Variants in GALNT17 observed in about 807,000 individuals in gnomAD.
GALNT17 encodes polypeptide N-acetylgalactosaminyltransferase 17, also known as UDP-GalNAc:polypeptide N-acetylgalactosaminyltransferase-like 3.
GALNT17 carries 29 observed loss-of-function variants against 63.7 expected under a neutral mutation model. The observed-to-expected ratio is 0.46, with a 90% CI of 0.34 to 0.62. The LOEUF is 0.62. GALNT17 is among the 20% of genes least tolerant of loss of function. The pLI, the probability that GALNT17 is intolerant of heterozygous loss-of-function variation, is 0.01. For missense variants in GALNT17, 603 were observed against 799.6 expected, an observed-to-expected ratio of 0.75 and a Z score of 2.97; for synonymous variants, 305 against 318.3, an observed-to-expected ratio of 0.96 and a Z score of 0.45.
chr7:71,661,814 C>T (rs1790911608), intron 6 of GALNT17, among the ~76,000 whole-genome samples: 1 of 152,158 alleles, frequency 6.6e-6, no homozygotes, highest in Admixed American at 6.5e-5. Flanking sequence ...GGTCAATGCA[C>T]ACTTAGTGTG....
At chr7:71,223,198 C>T (rs1425099829) in intron 1 of GALNT17, among the ~76,000 whole-genome samples, 2 of 152,054 alleles carry the variant, frequency 1.3e-5, no homozygotes, top group Non-Finnish European at 1.5e-5. Flanking sequence ...TTTTTTTTCT[C>T]TTAAACTTTT....
chr7:71,648,828 G>A (rs2117019030), intron 6 of GALNT17, among the ~76,000 whole-genome samples: 1 of 152,312 alleles, frequency 6.6e-6, no homozygotes, highest in African/African-American at 2.4e-5. Context: ...GGGCAACTCA[G>A]TAGTAATTGG....
intron 1 of GALNT17, among the ~76,000 whole-genome samples, chr7:71,235,123 C>T (rs1036095156): frequency 4.6e-5 from 7 of 151,844 alleles, no homozygotes; most frequent in African/African-American, 1.5e-4. Context: ...TGGCATCGTG[C>T]GCCTGTAGTC....
At chr7:71,320,347 C>A (rs1274125726) in intron 1 of GALNT17, among the ~76,000 whole-genome samples, 1 of 151,974 alleles carries the variant, frequency 6.6e-6, no homozygotes, top group Non-Finnish European at 1.5e-5. Flanking sequence ...AGCAATCCTC[C>A]TCCCTCAGCC....
intron 6 of GALNT17, among the ~76,000 whole-genome samples, chr7:71,575,596 G>A (rs900547251): frequency 3.3e-5 from 5 of 152,000 alleles, no homozygotes; most frequent in African/African-American, 1.2e-4. Context: ...CACCGTGTTA[G>A]CCAGGATGGT....
At chr7:71,622,102 T>C (rs1790303045) in intron 6 of GALNT17, among the ~76,000 whole-genome samples, 1 of 152,178 alleles carries the variant, frequency 6.6e-6, no homozygotes, top group Admixed American at 6.5e-5. Context: ...AAGAGGTCAG[T>C]GGGCAGGACC....
rs1562891340 is a variant in GALNT17, at chr7:71,181,270, T to TAAA, written c.238+48232_238+48233insAAA. On this transcript the variant is annotated intron_variant, in intron 1 of 10. Transcript: ENST00000333538. Reference sequence around the variant, plus strand: ...ACTCGTCTTAAAAAAAAAAAAAAAGTAATGGCTTAAAACCGCAATTATTTG... The same window carrying TAAA: ...ACTCGTCTTAAAAAAAAAAAAAAAGTAAAAATGGCTTAAAACCGCAATTATTTG... Among the ~76,000 whole-genome samples the TAAA allele has an allele frequency of 1.1e-3, 159 of 142,674 alleles. 1 individual carries two copies. Among genetic ancestry groups the TAAA allele is most frequent in the African/African-American group, 3.7e-3 (135 of 36,528 alleles). The allele number at this position is 142,674 out of a possible 152,430, so 93.6% of individuals were successfully genotyped here.
chr7:71,409,754 G>A (rs1478719554), intron 3 of GALNT17, among the ~76,000 whole-genome samples: 3 of 152,138 alleles, frequency 2.0e-5, no homozygotes, highest in African/African-American at 7.2e-5. Flanking sequence ...TGAGACAGCA[G>A]GATTTGCAAC....
At chr7:71,310,436 T>C (rs776919375) in intron 1 of GALNT17, among the ~76,000 whole-genome samples, 2 of 152,206 alleles carry the variant, frequency 1.3e-5, no homozygotes, top group African/African-American at 4.8e-5. Context: ...CACGTAGCAC[T>C]GTCTGAGATC....
intron 5 of GALNT17, among the ~76,000 whole-genome samples, chr7:71,514,292 A>G (rs1169273150): frequency 6.6e-6 from 1 of 152,184 alleles, no homozygotes; most frequent in Non-Finnish European, 1.5e-5. Flanking sequence ...GGAACGATCA[A>G]GGATGGCACT....
Position 71,552,307 on chromosome 7 carries a change from A to G in GALNT17, c.963-18978A>G, listed in dbSNP as rs543719931. ...CAATCCACCCACCTTGGCCTCCCAC[A>G]GTGCTAGGATTACAGGCGTGAGCTG... On this transcript the variant is annotated intron_variant, in intron 5 of 10. Transcript: ENST00000333538. Among the ~76,000 whole-genome samples the G allele has an allele frequency of 1.2e-4, 19 of 152,236 alleles. 1 individual carries two copies. The South Asian group carries it at 3.5e-3, about 28-fold the overall frequency.
At chr7:71,557,663 T>C (rs1301582107) in intron 5 of GALNT17, among the ~76,000 whole-genome samples, 1 of 152,102 alleles carries the variant, frequency 6.6e-6, no homozygotes, top group African/African-American at 2.4e-5. Flanking sequence ...CGGTGGCGTG[T>C]GCCTGTAATC....
chr7:71,203,130 A>G (rs1262546687), intron 1 of GALNT17, among the ~76,000 whole-genome samples: 1 of 152,190 alleles, frequency 6.6e-6, no homozygotes, highest in Non-Finnish European at 1.5e-5. Flanking sequence ...TATCTTTTCA[A>G]CATACTAAGT....
At chr7:71,374,279 A>G (rs767817776) in intron 2 of GALNT17, among the ~76,000 whole-genome samples, 6 of 152,190 alleles carry the variant, frequency 3.9e-5, no homozygotes, top group Admixed American at 6.5e-5. Context: ...CTGAGCCTCA[A>G]TTTTCTCATC....
At position 71,340,462 on chromosome 7, in the gene GALNT17, T is replaced by C. The variant is rs1791988674; in HGVS notation, c.422+4729T>C. 5.3e-5 allele frequency among the ~76,000 whole-genome samples: 8 copies of C among 152,130 alleles called. No individual in the cohort carries two copies. The South Asian group carries it at 1.7e-3, about 32-fold the overall frequency. On this transcript the variant is annotated intron_variant, in intron 2 of 10. Coordinates refer to ENST00000333538, the MANE Select transcript of GALNT17 (RefSeq NM_022479.3). ...AAAGGCTGATAGATCTGACAGCTGG[T>C]GGTACCCCTAAAATGGCTGGGTTCT...
intron 6 of GALNT17, among the ~76,000 whole-genome samples, chr7:71,610,519 T>C (rs1353070995): frequency 6.6e-6 from 1 of 151,982 alleles, no homozygotes; most frequent in Non-Finnish European, 1.5e-5. Flanking sequence ...AAATACAGCA[T>C]TCTGGGGCAA....
chr7:71,701,390 G>A (rs1791628564), intron 9 of GALNT17, among the ~76,000 whole-genome samples: 1 of 151,970 alleles, frequency 6.6e-6, no homozygotes, highest in African/African-American at 2.4e-5. Context: ...TGGAGGCTAA[G>A]GCAGGAGAAT....
At chr7:71,661,685 C>A (rs1240242149) in intron 6 of GALNT17, among the ~76,000 whole-genome samples, 2 of 152,164 alleles carry the variant, frequency 1.3e-5, no homozygotes, top group East Asian at 3.9e-4. Flanking sequence ...CAGGCACTGA[C>A]CCTGGCAGTT....
chr7:71,509,538 T>TAC (rs1177771277), intron 5 of GALNT17, among the ~76,000 whole-genome samples: 7 of 152,258 alleles, frequency 4.6e-5, no homozygotes, highest in African/African-American at 1.7e-4. Flanking sequence ...ATCTCTGTTG[T>TAC]GTAGCTAGGG....
Sources: allele counts gnomAD v4.1 joint callset (sites outside exome capture counted in the v4.1 genomes callset), GRCh38; gene constraint gnomAD v4.1.1; transcripts MANE v1.5; gene names NCBI Gene and HGNC (gene_info 2026-07-23, HGNC 2026-07-21).